The following POU2F1 variants were observed in gnomAD, a reference collection of about 807,000 sequenced individuals.
POU2F1 encodes POU domain, class 2, transcription factor 1.
Under a neutral mutation model 84.9 loss-of-function variants are expected in POU2F1, and 16 were observed. The observed-to-expected ratio is 0.19, with a 90% CI of 0.13 to 0.29. The LOEUF (loss-of-function observed/expected upper bound fraction) is 0.29. Among genes scored for constraint, POU2F1 ranks in the 10% least tolerant of loss-of-function variants. The pLI is 1.00. For synonymous variants in POU2F1, 368 were observed against 368.3 expected (o/e 1.00, Z 0.01); for missense variants, 738 against 942.6 (o/e 0.78, Z 2.84).
intron 13 of POU2F1, among the ~76,000 whole-genome samples, chr1:167,407,149 G>C (rs1393929123): frequency 6.6e-6 from 1 of 151,922 alleles, no homozygotes; most frequent in East Asian, 1.9e-4. Context: ...TCCCACTTCA[G>C]CCTCCCCGGT....
intron 1 of POU2F1, among the ~76,000 whole-genome samples, chr1:167,230,505 CT>C (rs1358280283): frequency 1.3e-5 from 2 of 152,110 alleles, no homozygotes; most frequent in Non-Finnish European, 2.9e-5. Context: ...TTTCCTCCTC[CT>C]TTCCACAGTA....
At chr1:167,312,308 C>T (rs948217091) in intron 1 of POU2F1, among the ~76,000 whole-genome samples, 3 of 151,602 alleles carry the variant, frequency 2.0e-5, no homozygotes, top group African/African-American at 7.3e-5. Context: ...GATCTCAGCT[C>T]ACCGCAACCT....
Position 167,408,151 on chromosome 1 carries a change from T to C in POU2F1, c.1556-3808T>C, listed in dbSNP as rs1459000935. Among the ~76,000 whole-genome samples, 3 of 152,248 alleles carry C rather than the reference T, an allele frequency of 2.0e-5. No individual in the cohort carries two copies. The East Asian group carries it at 5.8e-4, about 29-fold the overall frequency. The stretch of plus-strand genomic sequence containing the variant: ...AGATATGTGACATTAGCATTACTCA[T>C]TAGGGAAGTGCAGATTAAAACTGTA... On this transcript the variant is annotated intron_variant, in intron 13 of 15. Transcript: ENST00000367866.
At chr1:167,339,801 A>G (rs1016854900) in intron 2 of POU2F1, among the ~76,000 whole-genome samples, 4 of 152,228 alleles carry the variant, frequency 2.6e-5, no homozygotes, top group African/African-American at 7.2e-5. Context: ...TTGACAATTT[A>G]TTACAAATTA....
rs191653431 is a variant in POU2F1 at position 167,266,891 on chromosome 1, G to C, written c.61+45933G>C. Among the ~76,000 whole-genome samples the C allele has an allele frequency of 1.6e-3, 242 of 152,018 alleles. 1 individual carries two copies. Among genetic ancestry groups the C allele is most frequent in the Non-Finnish European group, 1.2e-3 (82 of 67,980 alleles). On this transcript the variant is annotated intron_variant, in intron 1 of 15. Transcript: ENST00000367866. Reference sequence around the variant, plus strand: ...CCTGTCTTGGTCTCCCAAAGTACTGGGATTACCGGCGTGAGACACCGCAAA... The same window carrying C: ...CCTGTCTTGGTCTCCCAAAGTACTGCGATTACCGGCGTGAGACACCGCAAA...
intron 1 of POU2F1, among the ~76,000 whole-genome samples, chr1:167,261,455 G>T (rs550753090): frequency 6.6e-6 from 1 of 152,156 alleles, no homozygotes. Context: ...CTCTGCATGG[G>T]TTATTTTTCT....
chr1:167,413,166 T>TGTGTGA (rs1650082798), intron 15 of POU2F1, 52 bp downstream of exon 15: 1 of 132,522 alleles, frequency 7.5e-6, no homozygotes, highest in East Asian at 2.1e-3. Flanking sequence ...TGTGTGAGTG[T>TGTGTGA]GTGTGTGTGT....
chr1:167,341,876 G>C (rs1322193237), intron 2 of POU2F1, among the ~76,000 whole-genome samples: 1 of 152,114 alleles, frequency 6.6e-6, no homozygotes, highest in Non-Finnish European at 1.5e-5. Flanking sequence ...GATGGATGGG[G>C]AGCTGGAAAG....
intron 8 of POU2F1, chr1:167,387,258 G>A (rs1422221754): frequency 8.8e-6 from 4 of 455,536 alleles, no homozygotes; most frequent in African/African-American, 4.0e-5. Flanking sequence ...GTACCCAAGC[G>A]ATTTTTAGTC....
intron 2 of POU2F1, among the ~76,000 whole-genome samples, chr1:167,343,839 T>C (rs1377216176): frequency 6.6e-6 from 1 of 151,884 alleles, no homozygotes; most frequent in East Asian, 1.9e-4. Context: ...AATGTTGTAC[T>C]TGGGGTGCCT....
At chr1:167,235,271 T>C (rs114227041) in intron 1 of POU2F1, among the ~76,000 whole-genome samples, 725 of 152,350 alleles carry the variant, frequency 4.8e-3, no homozygotes, top group Admixed American at 0.012. Flanking sequence ...TGCTTCTTCA[T>C]GCTCTGGCCA....
chr1:167,409,176 A>G (rs1323284811), intron 13 of POU2F1, among the ~76,000 whole-genome samples: 1 of 152,178 alleles, frequency 6.6e-6, no homozygotes, highest in East Asian at 1.9e-4. Flanking sequence ...TCTTATATTT[A>G]GGCCTTTGAT....
intron 1 of POU2F1, among the ~76,000 whole-genome samples, chr1:167,279,525 A>C (rs1482823518): frequency 3.3e-5 from 5 of 152,178 alleles, no homozygotes; most frequent in Non-Finnish European, 2.9e-5. Flanking sequence ...CAGAGGAAAA[A>C]TGTGATTCTT....
intron 5 of POU2F1, among the ~76,000 whole-genome samples, chr1:167,373,701 G>A (rs1347967077): frequency 6.6e-6 from 1 of 152,212 alleles, no homozygotes; most frequent in Non-Finnish European, 1.5e-5. Flanking sequence ...ATGGGAAGCA[G>A]CTGGGCCTTA....
At chr1:167,302,744 ACTC>A (rs1434500031) in intron 1 of POU2F1, among the ~76,000 whole-genome samples, 2 of 152,200 alleles carry the variant, frequency 1.3e-5, no homozygotes, top group Non-Finnish European at 2.9e-5. Flanking sequence ...TAGCTATACT[ACTC>A]AATCAGTTAC....
rs193049864 is a variant in POU2F1 at position 167,378,902 on chromosome 1, G to A, written c.718+2747G>A. On this transcript the variant is annotated intron_variant, in intron 7 of 15. Coordinates refer to ENST00000367866, the MANE Select transcript of POU2F1 (RefSeq NM_002697.4). ...CAAGGAGCTGGGATTACAGGCATGC[G>A]CCACCACACCCAGCTAATTTTGACT... Among the ~76,000 whole-genome samples, 675 of 151,286 alleles carry A rather than the reference G, an allele frequency of 4.5e-3. 5 individuals carry two copies. Among genetic ancestry groups the A allele is most frequent in the African/African-American group, 0.015 (630 of 41,240 alleles).
chr1:167,310,437 C>T (rs1393638254), intron 1 of POU2F1, among the ~76,000 whole-genome samples: 1 of 151,772 alleles, frequency 6.6e-6, no homozygotes, highest in African/African-American at 2.4e-5. Context: ...ATACCTAAAA[C>T]CAAATGACAC....
chr1:167,347,483 T>G (rs1658277909), intron 2 of POU2F1, among the ~76,000 whole-genome samples: 1 of 152,192 alleles, frequency 6.6e-6, no homozygotes, highest in African/African-American at 2.4e-5. Context: ...GAGCAGAAAC[T>G]GTCAGATTTA....
rs1274398286 is a variant in POU2F1, at chr1:167,233,243, C to G, written c.61+12285C>G. 2.6e-5 allele frequency among the ~76,000 whole-genome samples: 4 copies of G among 151,534 alleles called. No individual in the cohort carries two copies. In the East Asian group the frequency reaches 7.8e-4, roughly 29 times the overall value. ...TTCTACCTTCCAGGGCTCAGATGAG[C>G]CTCCTACCTCAGCCTCCTGAGGAGC... On this transcript the variant is annotated intron_variant, in intron 1 of 15. Transcript: ENST00000367866.
Sources: gnomAD v4.1 joint callset for allele counts (sites outside exome capture counted in the v4.1 genomes callset) on GRCh38, gnomAD v4.1.1 for gene constraint, MANE v1.5 for transcripts, NCBI Gene and HGNC (gene_info 2026-07-23, HGNC 2026-07-21) for gene names.